Variants in SLC8A3 observed in about 807,000 individuals in gnomAD.
SLC8A3 encodes the protein sodium/calcium exchanger 3.
In SLC8A3, 37 loss-of-function variants were observed where a neutral mutation model predicts 65.4. That is an observed-to-expected ratio of 0.57 (90% CI 0.44 to 0.74). The LOEUF is 0.74. Ranked by LOEUF, SLC8A3 falls within the 30% of genes least tolerant of loss-of-function variation. The pLI, the probability that SLC8A3 is intolerant of heterozygous loss-of-function variation, is 0.00. For missense variants in SLC8A3, 1,112 were observed against 1,172.1 expected (o/e 0.95, Z 0.75); for synonymous variants, 461 against 444.5 (o/e 1.04, Z -0.47).
chr14:70,170,167 C>T (rs557191180), intron 1 of SLC8A3, among the ~76,000 whole-genome samples: 10 of 152,296 alleles, frequency 6.6e-5, no homozygotes, highest in African/African-American at 2.2e-4. Flanking sequence ...GTAGTCTTCT[C>T]TTGCTCTTGA....
At chr14:70,135,679 G>C (rs1395101379) in intron 2 of SLC8A3, among the ~76,000 whole-genome samples, 1 of 145,460 alleles carries the variant, frequency 6.9e-6, no homozygotes. Context: ...TCATATATGA[G>C]AGCTATAAAA....
chr14:70,077,601 C>T (rs754208337), intron 2 of SLC8A3, among the ~76,000 whole-genome samples: 5 of 152,122 alleles, frequency 3.3e-5, no homozygotes, highest in African/African-American at 4.8e-5. Context: ...AGAAGTTCTC[C>T]GTGGCTGTCC....
intron 2 of SLC8A3, among the ~76,000 whole-genome samples, chr14:70,094,179 A>T (rs1253439412): frequency 6.6e-6 from 1 of 152,166 alleles, no homozygotes; most frequent in East Asian, 1.9e-4. Context: ...CTCCCCACCA[A>T]TGGGAGGCAG....
At chr14:70,094,071 A>T in intron 2 of SLC8A3, among the ~76,000 whole-genome samples, 1 of 151,892 alleles carries the variant, frequency 6.6e-6, no homozygotes, top group East Asian at 1.9e-4. Flanking sequence ...TCTAGTTCTG[A>T]CTCTGTTTCC....
At chr14:70,071,734 A>T (rs1209970141) in intron 2 of SLC8A3, among the ~76,000 whole-genome samples, 2 of 152,246 alleles carry the variant, frequency 1.3e-5, no homozygotes, top group African/African-American at 2.4e-5. Flanking sequence ...TTGCGAGATA[A>T]TAAATGGGTA....
intron 2 of SLC8A3, among the ~76,000 whole-genome samples, chr14:70,064,420 A>T (rs1344612420): frequency 2.0e-5 from 3 of 151,626 alleles, no homozygotes; most frequent in Non-Finnish European, 2.9e-5. Flanking sequence ...CAAATGGTTT[A>T]TTTCATGAAA....
chr14:70,048,216 A>G, intron 6 of SLC8A3: 1 of 182,264 alleles, frequency 5.5e-6, no homozygotes, highest in Non-Finnish European at 1.2e-5. Flanking sequence ...GCTAGGAGAT[A>G]CTTTGTACTC....
intron 2 of SLC8A3, among the ~76,000 whole-genome samples, chr14:70,073,405 C>CA (rs1290721000): frequency 6.6e-6 from 1 of 152,144 alleles, no homozygotes; most frequent in Admixed American, 6.5e-5. Flanking sequence ...TGACTCACTT[C>CA]AAGGGGGCTG....
intron 2 of SLC8A3, among the ~76,000 whole-genome samples, chr14:70,128,488 C>T (rs1045496282): frequency 1.3e-5 from 2 of 152,182 alleles, no homozygotes; most frequent in Non-Finnish European, 2.9e-5. Flanking sequence ...CCAAAAATGT[C>T]CTTCCTTCCA....
At chr14:70,182,683 G>C (rs929117448) in intron 1 of SLC8A3, among the ~76,000 whole-genome samples, 7 of 152,174 alleles carry the variant, frequency 4.6e-5, no homozygotes, top group Admixed American at 2.6e-4. Flanking sequence ...GAGTGGATGA[G>C]TGATGAGAAA....
In SLC8A3 at chr14:70,052,079, C is replaced by G. The variant is rs1887577315; in HGVS notation, c.1924G>C (p.Glu642Gln). ...CCCATCTCTGCTATCCTCTTGGCCT[C>G]CTCTTCTTCCATAGTCAGCTTCCTG... Reference protein sequence around the residue: ...TDRKLTMEEEEAKRIAEMGKP... With the variant: ...TDRKLTMEEEQAKRIAEMGKP... Residue 642 changes from glutamate (E) to glutamine (Q), a missense_variant, in exon 4 of 7, where the codon GAG (glutamate) becomes CAG (glutamine). By Grantham distance (29) the Glu-to-Gln change is conservative. Transcript: ENST00000356921. 1 of 1,606,418 alleles carries G rather than the reference C, an allele frequency of 6.2e-7. No homozygotes were observed. The highest frequency in any genetic ancestry group is 8.5e-7 in the Non-Finnish European group (1 of 1,178,006).
chr14:70,148,162 T>G (rs765357329), intron 2 of SLC8A3, among the ~76,000 whole-genome samples: 3 of 152,260 alleles, frequency 2.0e-5, no homozygotes, highest in Non-Finnish European at 4.4e-5. Flanking sequence ...TTGTTTTATA[T>G]GTTTTTGTCC....
chr14:70,051,911 G>A, intron 4 of SLC8A3, 79 bp downstream of exon 4: 1 of 1,240,766 alleles, frequency 8.1e-7, no homozygotes, highest in Non-Finnish European at 1.2e-6. Flanking sequence ...ACTAGTGAAA[G>A]TGGAAAAAAA....
intron 3 of SLC8A3, 57 bp from the exon 4 acceptor site, chr14:70,052,171 A>G: frequency 6.5e-7 from 1 of 1,544,292 alleles, no homozygotes; most frequent in Non-Finnish European, 8.7e-7. Context: ...CTGGAAGGAT[A>G]CAGCTCAGAG....
chr14:70,181,527 A>G (rs1459496769), intron 1 of SLC8A3, among the ~76,000 whole-genome samples: 1 of 152,070 alleles, frequency 6.6e-6, no homozygotes, highest in Non-Finnish European at 1.5e-5. Context: ...CAGATGTCAC[A>G]TTATTAAAAT....
intron 2 of SLC8A3, among the ~76,000 whole-genome samples, chr14:70,116,133 G>T (rs967144652): frequency 6.6e-6 from 1 of 152,166 alleles, no homozygotes; most frequent in Non-Finnish European, 1.5e-5. Context: ...CAGAGAGGGG[G>T]TCATAGACTT....
chr14:70,138,996 T>C (rs1895397103), intron 2 of SLC8A3, among the ~76,000 whole-genome samples: 1 of 152,280 alleles, frequency 6.6e-6, no homozygotes, highest in Non-Finnish European at 1.5e-5. Flanking sequence ...ATGGAACTTT[T>C]CCTGCTGTCC....
At chr14:70,144,789 C>T (rs571541108) in intron 2 of SLC8A3, among the ~76,000 whole-genome samples, 8 of 152,262 alleles carry the variant, frequency 5.3e-5, no homozygotes, top group African/African-American at 1.4e-4. Flanking sequence ...TGCATTCTTC[C>T]GTTACTGTCT....
chr14:70,091,630 A>C (rs1891810829), intron 2 of SLC8A3, among the ~76,000 whole-genome samples: 1 of 152,252 alleles, frequency 6.6e-6, no homozygotes, highest in South Asian at 2.1e-4. Context: ...TTGAATCCTA[A>C]CAGGGAAGCT....
Sources: allele counts gnomAD v4.1 joint callset (sites outside exome capture counted in the v4.1 genomes callset), GRCh38; gene constraint gnomAD v4.1.1; transcripts MANE v1.5; gene names NCBI Gene and HGNC (gene_info 2026-07-23, HGNC 2026-07-21).